NRG1: variants seen among roughly 807,000 people sequenced by gnomAD.
The protein encoded by NRG1 is pro-neuregulin-1, membrane-bound isoform.
NRG1 carries 18 observed loss-of-function variants against 63.8 expected under a neutral mutation model. That is an observed-to-expected ratio of 0.28 (90% CI 0.19 to 0.42). The LOEUF (loss-of-function observed/expected upper bound fraction) is 0.42, where lower values mean the gene tolerates loss of function less well. NRG1 is among the 10% of genes least tolerant of loss of function. The pLI is 1.00. For missense variants in NRG1, 762 were observed against 814.7 expected (o/e 0.94, Z 0.79); for synonymous variants, 302 against 301.3 (o/e 1.00, Z -0.02).
At chr8:32,598,154 G>T (rs998470493) in intron 2 of NRG1, among the ~76,000 whole-genome samples, 1 of 152,084 alleles carries the variant, frequency 6.6e-6, no homozygotes, top group East Asian at 1.9e-4. Flanking sequence ...AGGGGCGGGG[G>T]TCATAAGATT....
intron 1 of NRG1, among the ~76,000 whole-genome samples, chr8:32,289,548 C>A (rs868739683): frequency 1.3e-5 from 2 of 152,100 alleles, no homozygotes; most frequent in Non-Finnish European, 2.9e-5. Context: ...AGCTTACAAA[C>A]CTTCTTAACC....
At chr8:32,638,091 AAAG>A (rs1851665680) in intron 5 of NRG1, among the ~76,000 whole-genome samples, 1 of 152,244 alleles carries the variant, frequency 6.6e-6, no homozygotes, top group Non-Finnish European at 1.5e-5. Context: ...AATTAATTAA[AAAG>A]AAGGAGAAAT....
chr8:32,525,028 A>G (rs1239203139), intron 1 of NRG1, among the ~76,000 whole-genome samples: 2 of 152,228 alleles, frequency 1.3e-5, no homozygotes, highest in Non-Finnish European at 2.9e-5. Flanking sequence ...CTCCAGAGCT[A>G]TGCCGATTTA....
chr8:32,646,901 AG>A, intron 5 of NRG1: 1 of 981,574 alleles, frequency 1.0e-6, no homozygotes, highest in South Asian at 4.7e-5. Flanking sequence ...GGGTTGGGAG[AG>A]GGGGAGGAAA....
chr8:32,180,661 T>G (rs1219699613), intron 1 of NRG1, among the ~76,000 whole-genome samples: 1 of 152,116 alleles, frequency 6.6e-6, no homozygotes, highest in East Asian at 1.9e-4. Context: ...ATATGTATAT[T>G]TATGGTGTAC....
At chr8:32,619,504 G>T (rs1588738409) in intron 5 of NRG1, among the ~76,000 whole-genome samples, 1 of 152,114 alleles carries the variant, frequency 6.6e-6, no homozygotes, top group East Asian at 1.9e-4. Context: ...TGGGAGGAAG[G>T]GTAGAATCCA....
intron 1 of NRG1, among the ~76,000 whole-genome samples, chr8:31,845,412 A>G (rs1050071753): frequency 6.6e-6 from 1 of 152,172 alleles, no homozygotes; most frequent in African/African-American, 2.4e-5. Context: ...AGGGACAAAT[A>G]CTAGTGGTTA....
intron 1 of NRG1, among the ~76,000 whole-genome samples, chr8:32,037,217 G>A (rs550488633): frequency 2.0e-5 from 3 of 152,142 alleles, no homozygotes; most frequent in Non-Finnish European, 4.4e-5. Context: ...TTTGCTGGGG[G>A]TCCACTTCAG....
chr8:32,685,355 G>A (rs1809812131), intron 5 of NRG1, among the ~76,000 whole-genome samples: 1 of 152,144 alleles, frequency 6.6e-6, no homozygotes, highest in Non-Finnish European at 1.5e-5. Flanking sequence ...GTCTAAATCA[G>A]TGATTGTCAA....
Position 32,216,388 on chromosome 8 carries a change from A to G in NRG1, c.38-379440A>G, listed in dbSNP as rs990107020. Among the ~76,000 whole-genome samples, 13 of 148,918 alleles carry G rather than the reference A, an allele frequency of 8.7e-5. No individual in the cohort carries two copies. The East Asian group carries it at 2.5e-3, about 29-fold the overall frequency. ...TATTAAATTCCTAGAAGCACTATAG[A>G]AATGGCAGCAGAGTATTTATATTAT... On this transcript the variant is annotated intron_variant, in intron 1 of 10. Transcript: ENST00000519301.
At chr8:32,755,425 A>G (rs998588780) in intron 8 of NRG1, among the ~76,000 whole-genome samples, 2 of 152,204 alleles carry the variant, frequency 1.3e-5, no homozygotes, top group Admixed American at 6.5e-5. Context: ...AATCCAAAGC[A>G]TGGATTGTAT....
intron 1 of NRG1, among the ~76,000 whole-genome samples, chr8:31,701,175 C>T (rs1382097370): frequency 3.3e-5 from 5 of 152,086 alleles, no homozygotes. Context: ...ACTTAGTCTT[C>T]TGTGTGGCTC....
intron 1 of NRG1, among the ~76,000 whole-genome samples, chr8:32,498,564 A>T (rs2129496063): frequency 6.7e-6 from 1 of 149,472 alleles, no homozygotes; most frequent in East Asian, 2.1e-4. Context: ...TACTATCATG[A>T]GAACAGCATG....
At chr8:32,446,662 A>AC (rs1451322137) in intron 1 of NRG1, among the ~76,000 whole-genome samples, 1 of 150,798 alleles carries the variant, frequency 6.6e-6, no homozygotes, top group Non-Finnish European at 1.5e-5. Flanking sequence ...CTCAAAAACA[A>AC]AAAAAAAAGG....
intron 1 of NRG1, among the ~76,000 whole-genome samples, chr8:32,424,770 A>G (rs1817132878): frequency 6.6e-6 from 1 of 152,158 alleles, no homozygotes; most frequent in African/African-American, 2.4e-5. Context: ...GGAAGGTGGG[A>G]AGATCACTTG....
chr8:31,818,864 T>C (rs971956461), intron 1 of NRG1, among the ~76,000 whole-genome samples: 8 of 152,114 alleles, frequency 5.3e-5, no homozygotes, highest in Non-Finnish European at 8.8e-5. Flanking sequence ...GAGACCATCC[T>C]GGCTAACACG....
intron 6 of NRG1, among the ~76,000 whole-genome samples, chr8:32,729,107 T>C (rs1401070302): frequency 6.6e-6 from 1 of 152,008 alleles, no homozygotes; most frequent in Admixed American, 6.6e-5. Flanking sequence ...AAGTATCCAA[T>C]TTATTCTCTC....
At chr8:32,298,718 A>C (rs1451014425) in intron 1 of NRG1, among the ~76,000 whole-genome samples, 1 of 134,172 alleles carries the variant, frequency 7.5e-6, no homozygotes, top group Non-Finnish European at 1.6e-5. Context: ...CAGTCTCAAA[A>C]AAAAAAAAAA....
At chr8:32,055,494 T>G (rs1374633853) in intron 1 of NRG1, among the ~76,000 whole-genome samples, 2 of 152,096 alleles carry the variant, frequency 1.3e-5, no homozygotes, top group African/African-American at 4.8e-5. Flanking sequence ...CCATTGAAAA[T>G]CTAGCTGCTG....
Sources: gnomAD v4.1 joint callset for allele counts (sites outside exome capture counted in the v4.1 genomes callset) on GRCh38, gnomAD v4.1.1 for gene constraint, MANE v1.5 for transcripts, NCBI Gene and HGNC (gene_info 2026-07-23, HGNC 2026-07-21) for gene names.